The following ANKS1A variants were observed in gnomAD, a reference collection of about 807,000 sequenced individuals.
ANKS1A encodes the protein ankyrin repeat and sterile alpha motif domain containing 1A, also known as ankyrin repeat and SAM domain-containing protein 1A.
ANKS1A carries 55 observed loss-of-function variants against 120.3 expected under a neutral mutation model. That is an observed-to-expected ratio of 0.46 (90% CI 0.37 to 0.57). The LOEUF (loss-of-function observed/expected upper bound fraction) is 0.57. Among genes scored for constraint, ANKS1A ranks in the 20% least tolerant of loss-of-function variants. ANKS1A has a pLI of 0.00. For missense variants in ANKS1A, 1,123 were observed against 1,480.3 expected (o/e 0.76, Z 3.96); for synonymous variants, 590 against 604.7 (o/e 0.98, Z 0.36).
rs962912034 is a variant in ANKS1A at position 35,086,806 on chromosome 6, C to T, written c.3304-146C>T. 7 of 791,396 alleles carry T rather than the reference C, an allele frequency of 8.8e-6. No homozygotes were observed. The highest frequency in any genetic ancestry group is 1.5e-5 in the Non-Finnish European group (7 of 476,102). 49.0% of individuals were successfully genotyped at this position (791,396 alleles called of 1,614,324 possible). On this transcript the variant is annotated intron_variant, in intron 22 of 23. Transcript: ENST00000360359. The surrounding 1 kb of genome is among the most constrained non-coding windows in gnomAD (Gnocchi z 5.1). The stretch of plus-strand genomic sequence containing the variant: ...AGGGTGTCCCTCCTCCGCCTGCCCC[C>T]AGGGGCCTGCTCTTTGGCCGAGGAG...
Position 34,980,903 on chromosome 6 carries a change from G to A in ANKS1A, c.436-787G>A, listed in dbSNP as rs553111773. Among the ~76,000 whole-genome samples the A allele has an allele frequency of 3.9e-5, 6 of 152,318 alleles. No homozygotes were observed. The South Asian group carries it at 1.2e-3, about 32-fold the overall frequency. On this transcript the variant is annotated intron_variant, in intron 3 of 23. Coordinates refer to ENST00000360359, the MANE Select transcript of ANKS1A (RefSeq NM_015245.3). Reference sequence around the variant, plus strand: ...TTAGAGGACTGTGGGTTGTGAGCTTGAATTGATAGCAATATTACATTTGAA... The same window carrying A: ...TTAGAGGACTGTGGGTTGTGAGCTTAAATTGATAGCAATATTACATTTGAA...
intron 13 of ANKS1A, among the ~76,000 whole-genome samples, chr6:35,071,885 G>T (rs1777104710): frequency 6.6e-6 from 1 of 152,258 alleles, no homozygotes; most frequent in African/African-American, 2.4e-5. Context: ...CAGTGTGGAG[G>T]GAGAGGGAGT....
rs1461372307 is a variant in ANKS1A, at chr6:35,017,938, T to C, written c.1889T>C (p.Leu630Pro). Reference sequence around the variant, plus strand: ...AGCTTGTCCAAGTCTGACTCTGATCTCCTGACCTGCTCACCCACAGAGGAC... The same window carrying C: ...AGCTTGTCCAAGTCTGACTCTGATCCCCTGACCTGCTCACCCACAGAGGAC... ...SRSLSKSDSD[L>P]LTCSPTEDAT... Residue 630 changes from leucine to proline, a missense_variant, in exon 11 of 24, where the codon CTC becomes CCC. By Grantham distance (98) the Leu-to-Pro change is moderately conservative. Transcript: ENST00000360359. 1 of 1,614,200 alleles carries C rather than the reference T, an allele frequency of 6.2e-7. No individual in the cohort carries two copies. Among genetic ancestry groups the C allele is most frequent in the South Asian group, 1.1e-5 (1 of 91,082 alleles).
intron 1 of ANKS1A, among the ~76,000 whole-genome samples, chr6:34,922,997 C>A (rs1768519717): frequency 6.6e-6 from 1 of 152,080 alleles, no homozygotes; most frequent in African/African-American, 2.4e-5. Flanking sequence ...AGCCTCCAGG[C>A]CATTTCTTTA....
chr6:35,037,043 G>A (rs1448494347), intron 11 of ANKS1A, among the ~76,000 whole-genome samples: 1 of 152,202 alleles, frequency 6.6e-6, no homozygotes, highest in Non-Finnish European at 1.5e-5. Flanking sequence ...TTATGAACAC[G>A]CAAGAACCAG....
At chr6:35,051,678 T>C (rs777954980) in intron 11 of ANKS1A, among the ~76,000 whole-genome samples, 37 of 152,226 alleles carry the variant, frequency 2.4e-4, no homozygotes, top group Non-Finnish European at 4.6e-4. Context: ...CATTGGTGTC[T>C]ACAGTGTTAA....
At chr6:35,023,514 A>G in intron 11 of ANKS1A, 1 of 323,660 alleles carries the variant, frequency 3.1e-6, no homozygotes. Context: ...CTGTGGCAGT[A>G]GAGTCATGGC....
chr6:34,951,374 G>A (rs1485317390), intron 1 of ANKS1A, among the ~76,000 whole-genome samples: 1 of 152,032 alleles, frequency 6.6e-6, no homozygotes, highest in Non-Finnish European at 1.5e-5. Flanking sequence ...TAGGGGTGGG[G>A]ATAGGGCAGG....
intron 11 of ANKS1A, among the ~76,000 whole-genome samples, chr6:35,037,419 T>C (rs1436606428): frequency 6.6e-6 from 1 of 152,130 alleles, no homozygotes; most frequent in African/African-American, 2.4e-5. Flanking sequence ...AAAAGCAGGA[T>C]TTAAATGCAA....
downstream of ANKS1A, among the ~76,000 whole-genome samples, chr6:35,092,753 C>T (rs1267284562): frequency 6.6e-6 from 1 of 152,218 alleles, no homozygotes; most frequent in Admixed American, 6.5e-5. Flanking sequence ...GAGGCACAAT[C>T]CCTGGCCTCT....
intron 1 of ANKS1A, among the ~76,000 whole-genome samples, chr6:34,923,428 TGGAAAG>T (rs776311231): frequency 4.6e-5 from 7 of 152,180 alleles, no homozygotes; most frequent in Admixed American, 1.3e-4. Flanking sequence ...AAGAACCTGA[TGGAAAG>T]GGAGAAATCA....
intron 12 of ANKS1A, among the ~76,000 whole-genome samples, chr6:35,056,628 T>A (rs1322837803): frequency 2.0e-5 from 3 of 152,166 alleles, no homozygotes; most frequent in African/African-American, 7.2e-5. Context: ...CATATGAGTG[T>A]TGAGAGGCAG....
At chr6:34,939,312 C>T (rs1344210581) in intron 1 of ANKS1A, among the ~76,000 whole-genome samples, 1 of 152,174 alleles carries the variant, frequency 6.6e-6, no homozygotes, top group Non-Finnish European at 1.5e-5. Context: ...CTCCAGCAGC[C>T]TCACTGGAGT....
chr6:34,992,363 G>A (rs1278339393), intron 9 of ANKS1A, among the ~76,000 whole-genome samples: 2 of 152,200 alleles, frequency 1.3e-5, no homozygotes, highest in Non-Finnish European at 2.9e-5. Flanking sequence ...AGTGAAAGCA[G>A]GTCCAGTGGG....
At chr6:35,021,843 G>A (rs558698219) in intron 11 of ANKS1A, among the ~76,000 whole-genome samples, 8 of 152,154 alleles carry the variant, frequency 5.3e-5, no homozygotes, top group South Asian at 2.1e-4. Flanking sequence ...AAAACTAGCC[G>A]GGTATGGTAG....
At chr6:35,014,039 C>G (rs532289900) in intron 10 of ANKS1A, among the ~76,000 whole-genome samples, 4 of 152,314 alleles carry the variant, frequency 2.6e-5, no homozygotes, top group African/African-American at 9.6e-5. Context: ...CCCAGAATTG[C>G]ACAAAGAAGT....
At chr6:35,015,273 G>A (rs1250181759) in intron 10 of ANKS1A, among the ~76,000 whole-genome samples, 1 of 152,206 alleles carries the variant, frequency 6.6e-6, no homozygotes, top group Non-Finnish European at 1.5e-5. Context: ...AAGGCAGGCA[G>A]ATCACTTGAG....
chr6:34,946,964 T>C (rs1280267482), intron 1 of ANKS1A, among the ~76,000 whole-genome samples: 1 of 152,220 alleles, frequency 6.6e-6, no homozygotes, highest in East Asian at 1.9e-4. Context: ...GTTTGCATGC[T>C]GGCTTCTCAT....
At chr6:34,899,953 T>C (rs1280681225) in intron 1 of ANKS1A, among the ~76,000 whole-genome samples, 2 of 152,214 alleles carry the variant, frequency 1.3e-5, no homozygotes, top group Non-Finnish European at 2.9e-5. Context: ...ACTCAATAGC[T>C]CAGAAATGTT....
Sources: allele counts gnomAD v4.1 joint callset (sites outside exome capture counted in the v4.1 genomes callset), GRCh38; gene constraint gnomAD v4.1.1; non-coding constraint Gnocchi (gnomAD v3.1); transcripts MANE v1.5; gene names NCBI Gene and HGNC (gene_info 2026-07-23, HGNC 2026-07-21).